Variants in PCF11 observed in about 807,000 individuals in gnomAD.
The protein encoded by PCF11 is pre-mRNA cleavage complex 2 protein Pcf11.
Under a neutral mutation model 166.1 loss-of-function variants are expected in PCF11, and 19 were observed. The observed-to-expected ratio is 0.11, with a 90% CI of 0.08 to 0.17. PCF11 has a LOEUF of 0.17. PCF11 is among the 10% of genes least tolerant of loss of function. PCF11 has a pLI of 1.00. For missense variants in PCF11, 1,565 were observed against 1,855.5 expected, an observed-to-expected ratio of 0.84 and a Z score of 2.88; for synonymous variants, 663 against 644.1, an observed-to-expected ratio of 1.03 and a Z score of -0.44.
At chr11:83,175,563 T>C (rs555093965) in intron 9 of PCF11, among the ~76,000 whole-genome samples, 2 of 152,134 alleles carry the variant, frequency 1.3e-5, no homozygotes, top group South Asian at 4.2e-4. Flanking sequence ...CCATCCTGGC[T>C]AACACGGTGA....
At chr11:83,158,390 G>A (rs980967123) in intron 1 of PCF11, 1 of 152,134 alleles carries the variant, frequency 6.6e-6, no homozygotes, top group Admixed American at 6.5e-5. Flanking sequence ...TGGCCCAGAG[G>A]GTAACAAGTA....
exon 8 of PCF11, chr11:83,169,304 G>C (rs1456659401): frequency 1.2e-6 from 2 of 1,612,006 alleles, no homozygotes; most frequent in Non-Finnish European, 1.7e-6. Flanking sequence ...GGTCAGCCAG[G>C]GGTTGGTATC....
At chr11:83,166,797 AT>A in intron 5 of PCF11, 83 bp downstream of exon 5, 1 of 1,105,378 alleles carries the variant, frequency 9.0e-7, no homozygotes, top group South Asian at 1.6e-5. Context: ...GAAAATGTTT[AT>A]TAGGTGCTAT....
exon 8 of PCF11, chr11:83,168,463 C>T (rs752488690): frequency 2.7e-5 from 44 of 1,607,670 alleles, no homozygotes; most frequent in East Asian, 6.7e-5. Flanking sequence ...ATTCAATGAT[C>T]GTTTTCCACT....
At chr11:83,182,275 A>G (rs1440535493) in intron 13 of PCF11, 124 bp from the exon 14 acceptor site, 3 of 626,152 alleles carry the variant, frequency 4.8e-6, no homozygotes, top group South Asian at 2.2e-5. Context: ...TATATTGGAC[A>G]TTATTCAAAC....
exon 1 of PCF11, chr11:83,157,181 C>G (rs1052677192): frequency 7.0e-6 from 4 of 574,840 alleles, no homozygotes; most frequent in East Asian, 5.7e-5. Context: ...GGAGCCGCCA[C>G]TGCCGCCGCC....
At chr11:83,179,540 T>C (rs919166548) in intron 11 of PCF11, among the ~76,000 whole-genome samples, 1 of 152,056 alleles carries the variant, frequency 6.6e-6, no homozygotes, top group African/African-American at 2.4e-5. Flanking sequence ...TTGAGCCACC[T>C]ATTTCTTATA....
intron 7 of PCF11, 38 bp from the exon 8 acceptor site, chr11:83,168,390 A>C (rs1860548382): frequency 6.7e-7 from 1 of 1,501,138 alleles, no homozygotes; most frequent in African/African-American, 1.4e-5. Context: ...AGATTTTAAG[A>C]TAACTTTAGT....
intron 9 of PCF11, among the ~76,000 whole-genome samples, chr11:83,176,633 C>T (rs1330840844): frequency 6.7e-6 from 1 of 150,298 alleles, no homozygotes; most frequent in African/African-American, 2.5e-5. Context: ...AGGAATTGAA[C>T]AATGGGAACA....
chr11:83,171,913 A>T (rs1249021920), exon 9 of PCF11: 1 of 1,448,842 alleles, frequency 6.9e-7, no homozygotes, highest in East Asian at 2.3e-5. Flanking sequence ...AGAATCCTTC[A>T]GGTATGTACT....
intron 15 of PCF11, among the ~76,000 whole-genome samples, chr11:83,183,444 T>A (rs1861151995): frequency 1.4e-5 from 2 of 145,612 alleles, no homozygotes; most frequent in South Asian, 2.1e-4. Context: ...TTTACTGCTA[T>A]TTTTTTTTCT....
At chr11:83,159,266 C>A (rs552293066) in intron 1 of PCF11, among the ~76,000 whole-genome samples, 6 of 152,062 alleles carry the variant, frequency 3.9e-5, no homozygotes, top group African/African-American at 1.2e-4. Context: ...TTTATTGATA[C>A]CACAAACATC....
chr11:83,157,418 C>G (rs890091423), exon 1 of PCF11: 5 of 1,601,368 alleles, frequency 3.1e-6, no homozygotes, highest in East Asian at 4.5e-5. Context: ...TGCAGCGGAC[C>G]TCGGAGGGGG....
At chr11:83,184,425 CT>C in intron 15 of PCF11, 5 of 384,390 alleles carry the variant, frequency 1.3e-5, no homozygotes, top group Non-Finnish European at 2.3e-5. Context: ...GTCTAATCAA[CT>C]TTTTTTGGCT....
chr11:83,168,875 G>A (rs1227470402), exon 8 of PCF11: 4 of 1,613,388 alleles, frequency 2.5e-6, no homozygotes, highest in East Asian at 2.2e-5. Context: ...GGTGGTTTTC[G>A]GTTTGAAGGT....
exon 16 of PCF11, chr11:83,184,768 G>T (rs1272050166): frequency 2.5e-6 from 4 of 1,612,252 alleles, no homozygotes; most frequent in African/African-American, 1.3e-5. Flanking sequence ...AAAACGAATT[G>T]CAGGAACCCT....
chr11:83,184,696 T>C (rs1590943046), exon 16 of PCF11: 2 of 1,611,084 alleles, frequency 1.2e-6, no homozygotes, highest in African/African-American at 2.7e-5. Flanking sequence ...CATTTGATTG[T>C]ACACCATCTC....
chr11:83,176,772 C>T (rs893621684), intron 9 of PCF11, among the ~76,000 whole-genome samples: 13 of 151,348 alleles, frequency 8.6e-5, no homozygotes, highest in Non-Finnish European at 1.8e-4. Flanking sequence ...ATCAACATGG[C>T]ACATGTATAC....
At chr11:83,187,221 C>G (rs1861323468) in exon 16 of PCF11, 1 of 152,190 alleles carries the variant, frequency 6.6e-6, no homozygotes, top group African/African-American at 2.4e-5. Flanking sequence ...CCACGCCTGG[C>G]TAATTTTTAT....
Sources: allele counts gnomAD v4.1 joint callset (sites outside exome capture counted in the v4.1 genomes callset), GRCh38; gene constraint gnomAD v4.1.1; transcripts MANE v1.5; gene names NCBI Gene and HGNC (gene_info 2026-07-23, HGNC 2026-07-21).